CERS6: variants seen among roughly 807,000 people sequenced by gnomAD.
The protein encoded by CERS6 is LAG1 homolog, ceramide synthase 6.
A neutral mutation model predicts 56.8 loss-of-function variants in CERS6; 26 were observed. The ratio of observed to expected loss-of-function variants is 0.46; its 90% CI spans 0.34 to 0.63. The LOEUF (loss-of-function observed/expected upper bound fraction) is 0.63. Ranked by LOEUF, CERS6 falls within the 30% of genes least tolerant of loss-of-function variation. The pLI is 0.01. For synonymous variants in CERS6, 164 were observed against 173.3 expected, an observed-to-expected ratio of 0.95 and a Z score of 0.42; for missense variants, 415 against 467.5, an observed-to-expected ratio of 0.89 and a Z score of 1.04.
At chr2:168,652,089 A>C (rs531179597) in intron 4 of CERS6, among the ~76,000 whole-genome samples, 128 of 143,302 alleles carry the variant, frequency 8.9e-4, no homozygotes, top group African/African-American at 3.0e-3. Context: ...CTTAAGACTT[A>C]AAAAAAAAAA....
chr2:168,579,970 CA>C (rs1265904028), intron 3 of CERS6, among the ~76,000 whole-genome samples: 1 of 152,190 alleles, frequency 6.6e-6, no homozygotes, highest in Non-Finnish European at 1.5e-5. Flanking sequence ...TTGATAATCA[CA>C]ACGCCACTTT....
chr2:168,602,292 T>C (rs970163669), intron 3 of CERS6, among the ~76,000 whole-genome samples: 8 of 152,002 alleles, frequency 5.3e-5, no homozygotes, highest in Non-Finnish European at 7.4e-5. Flanking sequence ...TTAAAAAATA[T>C]GTCTGAGTGC....
intron 1 of CERS6, among the ~76,000 whole-genome samples, chr2:168,474,383 G>T (rs894665626): frequency 6.6e-6 from 1 of 152,182 alleles, no homozygotes; most frequent in African/African-American, 2.4e-5. Flanking sequence ...CAGAGAATGT[G>T]CAGAGTTAAA....
chr2:168,547,846 C>T (rs1027867555), intron 2 of CERS6, 145 bp downstream of exon 2: 19 of 632,196 alleles, frequency 3.0e-5, no homozygotes, highest in Non-Finnish European at 4.6e-5. Flanking sequence ...GGAATGCAAG[C>T]GTAGTAGAAG....
chr2:168,696,307 G>A (rs377750584), intron 6 of CERS6, among the ~76,000 whole-genome samples: 3 of 152,206 alleles, frequency 2.0e-5, no homozygotes, highest in East Asian at 1.9e-4. Flanking sequence ...CAGCCAGGAC[G>A]TTTTCCTTTG....
chr2:168,718,403 C>T (rs1481295608), intron 8 of CERS6, among the ~76,000 whole-genome samples: 1 of 152,230 alleles, frequency 6.6e-6, no homozygotes, highest in Non-Finnish European at 1.5e-5. Flanking sequence ...GTTAGAAATG[C>T]ACATTCTTGG....
chr2:168,540,120 G>T (rs1198105595), intron 1 of CERS6, among the ~76,000 whole-genome samples: 14 of 151,070 alleles, frequency 9.3e-5, no homozygotes. Flanking sequence ...TTCTTTGAAG[G>T]ATATTTTGCT....
At chr2:168,758,482 C>CT (rs112273963) in intron 8 of CERS6, among the ~76,000 whole-genome samples, 6,082 of 152,214 alleles carry the variant, frequency 0.04, 392 homozygotes, top group African/African-American at 0.13. Context: ...AGATAGAACT[C>CT]TTTGGTTAAG....
chr2:168,732,053 C>T (rs1683554605), intron 8 of CERS6, among the ~76,000 whole-genome samples: 1 of 152,186 alleles, frequency 6.6e-6, no homozygotes, highest in Admixed American at 6.5e-5. Context: ...AGGGAAGAAA[C>T]AGAGCTTGAA....
intron 3 of CERS6, among the ~76,000 whole-genome samples, chr2:168,579,811 T>C (rs1574078045): frequency 6.6e-6 from 1 of 152,168 alleles, no homozygotes; most frequent in South Asian, 2.1e-4. Context: ...CTCCTCTCGC[T>C]GCGTGTCAGT....
chr2:168,578,360 T>TAAA (rs1683329196), intron 3 of CERS6, among the ~76,000 whole-genome samples: 2 of 152,136 alleles, frequency 1.3e-5, no homozygotes, highest in South Asian at 2.1e-4. Flanking sequence ...TTGTGTCTTT[T>TAAA]AGTTCATTAT....
intron 1 of CERS6, among the ~76,000 whole-genome samples, chr2:168,487,281 T>C (rs1417311451): frequency 6.6e-6 from 1 of 152,236 alleles, no homozygotes; most frequent in Non-Finnish European, 1.5e-5. Context: ...TTGAAGACTC[T>C]GATCCATGGG....
chr2:168,460,416 C>G (rs1276285014), intron 1 of CERS6, among the ~76,000 whole-genome samples: 2 of 152,092 alleles, frequency 1.3e-5, no homozygotes, highest in Admixed American at 1.3e-4. Flanking sequence ...AGGCTTGTCT[C>G]AAACTCCTGA....
intron 6 of CERS6, among the ~76,000 whole-genome samples, chr2:168,699,170 G>A (rs2105370696): frequency 6.6e-6 from 1 of 152,252 alleles, no homozygotes; most frequent in East Asian, 1.9e-4. Context: ...CCATTTGGAG[G>A]ACCTGCTGTT....
At chr2:168,523,621 A>G (rs1293179909) in intron 1 of CERS6, among the ~76,000 whole-genome samples, 2 of 152,062 alleles carry the variant, frequency 1.3e-5, no homozygotes, top group Non-Finnish European at 2.9e-5. Context: ...AAGGCCAATA[A>G]CCAAATGACT....
chr2:168,708,181 A>G (rs1252749778), intron 6 of CERS6, among the ~76,000 whole-genome samples: 1 of 152,090 alleles, frequency 6.6e-6, no homozygotes, highest in African/African-American at 2.4e-5. Flanking sequence ...TTCTTGGTGT[A>G]TGTAAATTTT....
chr2:168,705,291 T>C (rs1348122948), intron 6 of CERS6, among the ~76,000 whole-genome samples: 1 of 151,650 alleles, frequency 6.6e-6, no homozygotes, highest in African/African-American at 2.4e-5. Flanking sequence ...AGAGTGTAAA[T>C]AGGAATTCAC....
chr2:168,641,775 A>G (rs1446244577), intron 4 of CERS6, among the ~76,000 whole-genome samples: 1 of 152,112 alleles, frequency 6.6e-6, no homozygotes, highest in Admixed American at 6.5e-5. Context: ...GTGCTTTCAT[A>G]TCAAATTTAT....
intron 4 of CERS6, among the ~76,000 whole-genome samples, chr2:168,637,590 T>A (rs1684891550): frequency 6.6e-6 from 1 of 152,238 alleles, no homozygotes; most frequent in Non-Finnish European, 1.5e-5. Context: ...TCACTAAATG[T>A]ATATGAATAT....
Sources: gnomAD v4.1 joint callset for allele counts (sites outside exome capture counted in the v4.1 genomes callset) on GRCh38, gnomAD v4.1.1 for gene constraint, MANE v1.5 for transcripts, NCBI Gene and HGNC (gene_info 2026-07-23, HGNC 2026-07-21) for gene names.